CACNA1E: variants seen among roughly 807,000 people sequenced by gnomAD.
CACNA1E encodes voltage-dependent R-type calcium channel subunit alpha-1E.
Under a neutral mutation model 259.2 loss-of-function variants are expected in CACNA1E, and 40 were observed. The observed-to-expected ratio is 0.15, with a 90% confidence interval of 0.12 to 0.20. The LOEUF is 0.20. Among genes scored for constraint, CACNA1E ranks in the 10% least tolerant of loss-of-function variants. The pLI is 1.00. For synonymous variants in CACNA1E, 1,104 were observed against 1,138.5 expected, an observed-to-expected ratio of 0.97 and a Z score of 0.61; for missense variants, 1,874 against 3,040.1, an observed-to-expected ratio of 0.62 and a Z score of 9.02.
rs12042738 is a variant in CACNA1E, at chr1:181,649,305, A to G, written c.952-2033A>G. The stretch of plus-strand genomic sequence containing the variant: ...CCTGCATCTGTCCCTTCCCATTCAG[A>G]AAGTGTTTTCTTGTTTACTTTTAAC... On this transcript the variant is annotated intron_variant, in intron 6 of 47. Transcript: ENST00000367573. Among the ~76,000 whole-genome samples the G allele has an allele frequency of 5.9e-5, 9 of 152,324 alleles. No individual in the cohort carries two copies. The East Asian group carries it at 1.7e-3, about 29-fold the overall frequency.
In CACNA1E at chr1:181,458,033, C is replaced by T. The variant is rs143759611; in HGVS notation, c.435-25711C>T. Among the ~76,000 whole-genome samples, 894 of 152,320 alleles carry T rather than the reference C, an allele frequency of 5.9e-3. 2 individuals carry two copies. Among genetic ancestry groups the T allele is most frequent in the South Asian group, 0.021 (102 of 4,816 alleles). On this transcript the variant is annotated intron_variant, in intron 2 of 11. Coordinates refer to the CACNA1E transcript ENST00000524607. ...TGTGTGTGTAAGCCAGCGCCCATAG[C>T]GGCTGGAGGCTCCTCCACTCACTTC...
chr1:181,434,103 T>G (rs2102264536), intron 2 of CACNA1E, among the ~76,000 whole-genome samples: 1 of 152,348 alleles, frequency 6.6e-6, no homozygotes, highest in East Asian at 1.9e-4. Flanking sequence ...TGGGCTTGAC[T>G]TTCCTACTTG....
intron 2 of CACNA1E, among the ~76,000 whole-genome samples, chr1:181,477,620 GATCTCAGGC>G (rs1450899868): frequency 6.6e-6 from 1 of 151,724 alleles, no homozygotes; most frequent in Non-Finnish European, 1.5e-5. Flanking sequence ...TTTCTGACCT[GATCTCAGGC>G]ACTTACATGT....
chr1:181,687,185 T>C (rs1650669061), intron 7 of CACNA1E, among the ~76,000 whole-genome samples: 1 of 152,120 alleles, frequency 6.6e-6, no homozygotes, highest in Admixed American at 6.6e-5. Flanking sequence ...CTGGAGTCAT[T>C]GGGGCAGCAG....
At chr1:181,731,409 T>C (rs1294697345) in intron 19 of CACNA1E, among the ~76,000 whole-genome samples, 178 bp downstream of exon 19, 1 of 152,174 alleles carries the variant, frequency 6.6e-6, no homozygotes, top group Non-Finnish European at 1.5e-5. Flanking sequence ...CTCTCAACAT[T>C]TGCTTATATC....
chr1:181,780,953 A>AACTC (rs1660375336), intron 38 of CACNA1E, among the ~76,000 whole-genome samples: 1 of 152,170 alleles, frequency 6.6e-6, no homozygotes, highest in Non-Finnish European at 1.5e-5. Context: ...CGGGGTCAGA[A>AACTC]ACTCCAACCC....
intron 7 of CACNA1E, among the ~76,000 whole-genome samples, chr1:181,695,570 T>C (rs1651612953): frequency 6.6e-6 from 1 of 152,346 alleles, no homozygotes; most frequent in East Asian, 1.9e-4. Flanking sequence ...TCATGTATAT[T>C]GGTGGTTGAT....
intron 1 of CACNA1E, among the ~76,000 whole-genome samples, chr1:181,380,370 G>A (rs1181928645): frequency 6.6e-6 from 1 of 151,960 alleles, no homozygotes; most frequent in African/African-American, 2.4e-5. Flanking sequence ...AAAGAAAGAA[G>A]AGCAAAGTAA....
intron 6 of CACNA1E, among the ~76,000 whole-genome samples, chr1:181,609,943 G>C (rs1366517477): frequency 6.6e-6 from 1 of 152,190 alleles, no homozygotes; most frequent in Non-Finnish European, 1.5e-5. Flanking sequence ...TGGAGTTAGA[G>C]AAGTATTGCC....
chr1:181,474,830 T>C (rs1195909593), intron 2 of CACNA1E, among the ~76,000 whole-genome samples: 1 of 152,244 alleles, frequency 6.6e-6, no homozygotes, highest in Admixed American at 6.5e-5. Flanking sequence ...GAAATATTCC[T>C]CATAAGACAA....
At chr1:181,469,277 G>A (rs1326328904) in intron 2 of CACNA1E, among the ~76,000 whole-genome samples, 1 of 152,176 alleles carries the variant, frequency 6.6e-6, no homozygotes, top group African/African-American at 2.4e-5. Flanking sequence ...GGCAAGGACA[G>A]GAAGACTGTG....
Position 181,540,389 on chromosome 1 carries a change from C to G in CACNA1E, c.512+28879C>G, listed in dbSNP as rs144744397. ...GTGTGTACTCCTTGTGTGCCTGGCA[C>G]TTAGTAGTTATTCAGCAATATTTGA... On this transcript the variant is annotated intron_variant, in intron 3 of 47. Transcript: ENST00000367573. Among the ~76,000 whole-genome samples the G allele has an allele frequency of 2.3e-3, 349 of 152,142 alleles. 2 individuals carry two copies. The highest frequency in any genetic ancestry group is 7.8e-3 in the African/African-American group (323 of 41,476).
At chr1:181,378,939 G>A (rs1655282725) in intron 1 of CACNA1E, among the ~76,000 whole-genome samples, 1 of 152,044 alleles carries the variant, frequency 6.6e-6, no homozygotes, top group Admixed American at 6.6e-5. Flanking sequence ...ATCCAATAAA[G>A]TAAAATTCAC....
At chr1:181,539,391 GAATT>G (rs372186695) in intron 3 of CACNA1E, among the ~76,000 whole-genome samples, 4 of 152,126 alleles carry the variant, frequency 2.6e-5, no homozygotes, top group African/African-American at 7.2e-5. Context: ...GCTAATTAAT[GAATT>G]AATGAATGAA....
chr1:181,338,110 G>A lies in CACNA1E; in HGVS notation c.-15+19987G>A, dbSNP rs565500713. ...TTTTTTTGTTTGTTTTTGTGAGATG[G>A]AGTCTCGTGCTCTCACCCAGGCTGG... On this transcript the variant is annotated intron_variant, in intron 1 of 11. Transcript: ENST00000524607. Among the ~76,000 whole-genome samples, 133 of 152,192 alleles carry A rather than the reference G, an allele frequency of 8.7e-4. 5 individuals carry two copies. In the South Asian group the frequency reaches 0.025, roughly 29 times the overall value.
In CACNA1E at chr1:181,666,716, A is replaced by C. The variant is rs976124820; in HGVS notation, c.1055+15275A>C. ...AGGAATACAGGAACCAAATATATAT[A>C]TATATACACACACACACACGACATA... On this transcript the variant is annotated intron_variant, in intron 7 of 47. Coordinates refer to ENST00000367573, the MANE Select transcript of CACNA1E (RefSeq NM_001205293.3). Among the ~76,000 whole-genome samples the C allele has an allele frequency of 1.6e-3, 238 of 149,510 alleles. 1 individual carries two copies. Among genetic ancestry groups the C allele is most frequent in the Non-Finnish European group, 3.0e-3 (203 of 66,946 alleles).
chr1:181,680,699 C>T (rs1649871512), intron 7 of CACNA1E, among the ~76,000 whole-genome samples: 1 of 152,228 alleles, frequency 6.6e-6, no homozygotes, highest in Admixed American at 6.5e-5. Context: ...CCTCAGTTAT[C>T]CTCTGTGTTC....
chr1:181,715,102 C>T (rs1653760397), intron 8 of CACNA1E, among the ~76,000 whole-genome samples: 1 of 152,174 alleles, frequency 6.6e-6, no homozygotes, highest in Admixed American at 6.5e-5. Flanking sequence ...GAGTATCAGA[C>T]ACAGAGCCGA....
intron 1 of CACNA1E, among the ~76,000 whole-genome samples, chr1:181,377,152 C>T (rs1425127136): frequency 1.3e-5 from 2 of 152,152 alleles, no homozygotes; most frequent in Admixed American, 6.5e-5. Flanking sequence ...AAATCATGGA[C>T]AGTTGTTACC....
Sources: allele counts gnomAD v4.1 joint callset (sites outside exome capture counted in the v4.1 genomes callset), GRCh38; gene constraint gnomAD v4.1.1; transcripts MANE v1.5; gene names NCBI Gene and HGNC (gene_info 2026-07-23, HGNC 2026-07-21).